DENND5B: variants seen among roughly 807,000 people sequenced by gnomAD.
DENND5B encodes the protein DENN domain-containing protein 5B.
A neutral mutation model predicts 140.6 loss-of-function variants in DENND5B; 34 were observed. The ratio of observed to expected loss-of-function variants is 0.24; its 90% CI spans 0.18 to 0.32. The LOEUF is 0.32. DENND5B is among the 10% of genes least tolerant of loss of function. DENND5B has a pLI of 1.00. For synonymous variants in DENND5B, 551 were observed against 562.1 expected (o/e 0.98, Z 0.28); for missense variants, 1,142 against 1,560.2 (o/e 0.73, Z 4.52).
chr12:31,567,525 TAAAAAAAAAA>T (rs35048750), intron 1 of DENND5B, among the ~76,000 whole-genome samples: 199 of 91,732 alleles, frequency 2.2e-3, no homozygotes, highest in Middle Eastern at 0.014. Context: ...AGACTCTGTC[TAAAAAAAAAA>T]AAAAAAAAAA....
chr12:31,396,053 CTTGTT>C (rs1565538020), intron 17 of DENND5B, among the ~76,000 whole-genome samples: 2 of 102,844 alleles, frequency 1.9e-5, no homozygotes, highest in African/African-American at 3.4e-5. Flanking sequence ...GTTGGCATTC[CTTGTT>C]TTTTTTTTTT....
intron 18 of DENND5B, 102 bp downstream of exon 18, chr12:31,392,512 A>G: frequency 6.5e-7 from 1 of 1,533,734 alleles, no homozygotes; most frequent in Non-Finnish European, 8.8e-7. Flanking sequence ...GCTACCAGAA[A>G]GCTTACAAAT....
At chr12:31,492,617 TAAG>T (rs1178585424) in intron 2 of DENND5B, among the ~76,000 whole-genome samples, 1 of 152,250 alleles carries the variant, frequency 6.6e-6, no homozygotes, top group African/African-American at 2.4e-5. Context: ...CTTACTAATT[TAAG>T]AAGATTAAGT....
rs541461819 is a variant in DENND5B, at chr12:31,382,692, G to A, written c.*4911C>T. On this transcript the variant is annotated 3_prime_UTR_variant, in exon 21 of 21. Transcript: ENST00000389082. ...ACCCAAGGATACCCTGGATCCCTTC[G>A]AATGAGGAAAAATTTTATTTGAGGT... The A allele has an allele frequency of 7.3e-5, 11 of 151,422 alleles. No homozygotes were observed. Among genetic ancestry groups the A allele is most frequent in the African/African-American group, 2.4e-4 (10 of 41,398 alleles). 9.4% of individuals were successfully genotyped at this position (151,422 alleles called of 1,614,324 possible). A position where few individuals can be genotyped will look rare whatever the true frequency, so the allele number is the denominator to read the frequency against.
At chr12:31,538,495 A>G (rs1948578157) in intron 1 of DENND5B, among the ~76,000 whole-genome samples, 1 of 152,022 alleles carries the variant, frequency 6.6e-6, no homozygotes, top group African/African-American at 2.4e-5. Flanking sequence ...AAAAACCTCA[A>G]ATAAACAACT....
chr12:31,573,890 G>A (rs1949907883), intron 1 of DENND5B, among the ~76,000 whole-genome samples: 1 of 151,952 alleles, frequency 6.6e-6, no homozygotes, highest in Non-Finnish European at 1.5e-5. Flanking sequence ...AGGAGGTTGA[G>A]GCTGTAGTGA....
chr12:31,494,207 CCTACCTACCTACCTCT>C (rs1565635634), intron 2 of DENND5B, among the ~76,000 whole-genome samples: 4 of 75,036 alleles, frequency 5.3e-5, no homozygotes, highest in East Asian at 9.5e-4. Flanking sequence ...CATCCACCTA[CCTACCTACCTACCTCT>C]ACCTACCTAC....
chr12:31,392,784 G>C, intron 17 of DENND5B, 88 bp from the exon 18 acceptor site: 1 of 1,265,956 alleles, frequency 7.9e-7, no homozygotes, highest in Non-Finnish European at 1.1e-6. Context: ...ACCTAGGCAG[G>C]AAATACGTCA....
chr12:31,495,364 G>A (rs1019244887), intron 2 of DENND5B, among the ~76,000 whole-genome samples: 4 of 141,396 alleles, frequency 2.8e-5, no homozygotes, highest in African/African-American at 1.1e-4. Context: ...TTAAAATGAG[G>A]AGAGTATCAC....
At position 31,433,155 on chromosome 12, in the gene DENND5B, C is replaced by T; in HGVS notation, c.2106G>A (p.Glu702=). ...CACCCCAGGAAGGTAGACCACATAC[C>T]TCCCTCAAGTCGTTGTCCAGCCCAA... ...EHVGLDNDLR[E]KYMQEARSLG... is the part of the protein sequence containing the mutation. The change falls in exon 8 of 21, where the codon GAG becomes GAA. Residue 702 remains glutamate (E), a splice_region_variant and synonymous_variant. Coordinates refer to ENST00000389082, the MANE Select transcript of DENND5B (RefSeq NM_144973.4). The T allele has an allele frequency of 6.2e-7, 1 of 1,613,732 alleles. No individual in the cohort carries two copies. Among genetic ancestry groups the T allele is most frequent in the Non-Finnish European group, 8.5e-7 (1 of 1,179,808 alleles).
At chr12:31,558,173 G>A (rs764067382) in intron 1 of DENND5B, among the ~76,000 whole-genome samples, 4 of 152,210 alleles carry the variant, frequency 2.6e-5, no homozygotes, top group East Asian at 1.9e-4. Flanking sequence ...TAATGTAGAC[G>A]TGTATCAAAG....
At chr12:31,514,093 A>G (rs917226131) in intron 1 of DENND5B, among the ~76,000 whole-genome samples, 6 of 149,804 alleles carry the variant, frequency 4.0e-5, no homozygotes, top group African/African-American at 1.5e-4. Context: ...CAATCCTCCC[A>G]CCTCAGCCTC....
chr12:31,465,022 T>G (rs890207868), intron 3 of DENND5B: 2 of 152,236 alleles, frequency 1.3e-5, no homozygotes, highest in African/African-American at 4.8e-5. Flanking sequence ...TTGACTATAT[T>G]ATACAATAAA....
chr12:31,579,658 A>AT (rs199564734), intron 1 of DENND5B, among the ~76,000 whole-genome samples: 96 of 146,742 alleles, frequency 6.5e-4, no homozygotes, highest in East Asian at 4.0e-3. Flanking sequence ...TTATTTATTT[A>AT]TTTTTTTGAG....
chr12:31,467,857 GA>G (rs1945350085), intron 3 of DENND5B, among the ~76,000 whole-genome samples: 1 of 151,668 alleles, frequency 6.6e-6, no homozygotes. Context: ...CATCTAAACA[GA>G]AAAAACTGCA....
intron 8 of DENND5B, among the ~76,000 whole-genome samples, chr12:31,427,982 G>T (rs757977242): frequency 3.9e-5 from 6 of 152,098 alleles, no homozygotes; most frequent in African/African-American, 1.4e-4. Context: ...ACTGATTAGG[G>T]ATTCCACTAA....
rs181803039 is a variant in DENND5B, at chr12:31,530,526, A to G, written c.128-34607T>C. ...ATTCTCAATGGTATCCATTATTCCA[A>G]CATAGTTTAAAACTCTCAGGTTTGA... On this transcript the variant is annotated intron_variant, in intron 1 of 20. Coordinates refer to ENST00000389082, the MANE Select transcript of DENND5B (RefSeq NM_144973.4). 6.0e-4 allele frequency among the ~76,000 whole-genome samples: 92 copies of G among 152,366 alleles called. 1 individual carries two copies. In the East Asian group the frequency reaches 0.015, roughly 25 times the overall value.
chr12:31,521,343 C>T (rs1017926203), intron 1 of DENND5B, among the ~76,000 whole-genome samples: 1 of 149,886 alleles, frequency 6.7e-6, no homozygotes, highest in Non-Finnish European at 1.5e-5. Flanking sequence ...TTAGAGACAG[C>T]GTCTCACTAT....
At chr12:31,578,320 TGA>T (rs1487105423) in intron 1 of DENND5B, among the ~76,000 whole-genome samples, 2 of 152,176 alleles carry the variant, frequency 1.3e-5, no homozygotes, top group Non-Finnish European at 2.9e-5. Context: ...GCAAAAGTGT[TGA>T]GACACACACT....
Sources: allele counts gnomAD v4.1 joint callset (sites outside exome capture counted in the v4.1 genomes callset), GRCh38; gene constraint gnomAD v4.1.1; transcripts MANE v1.5; gene names NCBI Gene and HGNC (gene_info 2026-07-23, HGNC 2026-07-21).